Variants in SLC7A8 observed in about 807,000 individuals in gnomAD.
The protein encoded by SLC7A8 is large neutral amino acids transporter small subunit 2.
A neutral mutation model predicts 51.2 loss-of-function variants in SLC7A8; 30 were observed. The observed-to-expected ratio is 0.59, with a 90% CI of 0.44 to 0.80. The LOEUF is 0.80. Among genes scored for constraint, SLC7A8 ranks in the 30% least tolerant of loss-of-function variants. The pLI is 0.00. For missense variants in SLC7A8, 612 were observed against 674.4 expected (o/e 0.91, Z 1.03); for synonymous variants, 257 against 275.8 (o/e 0.93, Z 0.67).
At position 23,137,964 on chromosome 14, in the gene SLC7A8, A is replaced by G. The variant is rs1435415798; in HGVS notation, c.973T>C (p.Ser325Pro). Reference sequence around the variant, plus strand: ...GACCCATTAACTCCTCCAAATGTGGACAGGGCAACAGAAATGGGCATGATC... The same window carrying G: ...GACCCATTAACTCCTCCAAATGTGGGCAGGGCAACAGAAATGGGCATGATC... ...AWIMPISVAL[S>P]TFGGVNGSLF... The change falls in exon 7 of 11, where the codon TCC (serine) becomes CCC (proline). Residue 325 changes from serine (S) to proline (P), a missense_variant. Ser to Pro is a moderately conservative substitution (Grantham distance 74, BLOSUM62 -1). Coordinates refer to ENST00000316902, the MANE Select transcript of SLC7A8 (RefSeq NM_012244.4). The G allele has an allele frequency of 2.5e-6, 4 of 1,613,682 alleles. No homozygotes were observed. In the East Asian group the frequency reaches 8.9e-5, roughly 36 times the overall value.
At position 23,129,719 on chromosome 14, in the gene SLC7A8, G is replaced by A; in HGVS notation, c.1194C>T (p.Phe398=). 1.9e-6 allele frequency: 3 copies of A among 1,614,238 alleles called. No individual in the cohort carries two copies. Among genetic ancestry groups the A allele is most frequent in the South Asian group, 1.1e-5 (1 of 91,084 alleles). ...INYVGFINYL[F]YGVTVAGQIV... ...TCTGTCCAGCAACCGTGACCCCATAGAAGAGGTAGTTGATGAAGCCCACAT... is the reference window on the plus strand; with the variant it reads ...TCTGTCCAGCAACCGTGACCCCATAAAAGAGGTAGTTGATGAAGCCCACAT... Residue 398 remains phenylalanine (F), a synonymous_variant, in exon 9 of 11, where the codon TTC becomes TTT. Coordinates refer to ENST00000316902, the MANE Select transcript of SLC7A8 (RefSeq NM_012244.4).
At chr14:23,179,284 A>G (rs1231626440) in intron 1 of SLC7A8, among the ~76,000 whole-genome samples, 2 of 152,150 alleles carry the variant, frequency 1.3e-5, no homozygotes, top group East Asian at 3.9e-4. Flanking sequence ...GTACATATGC[A>G]TCTCATCCTC....
intron 6 of SLC7A8, 51 bp from the exon 7 acceptor site, chr14:23,138,075 C>A: frequency 6.3e-7 from 1 of 1,598,840 alleles, no homozygotes; most frequent in Non-Finnish European, 8.5e-7. Context: ...CACTCCCCGA[C>A]CCCTCAGCTC....
chr14:23,132,309 A>T lies in SLC7A8; in HGVS notation c.1017-752T>A, dbSNP rs113989519. ...GAGCCACCGCGCCTGGCCTAAAAAC[A>T]CTCTTGTCCTAGTCAGAGAGTAGTT... On this transcript the variant is annotated intron_variant, in intron 7 of 10. Transcript: ENST00000316902. 2.6e-3 allele frequency among the ~76,000 whole-genome samples: 399 copies of T among 151,446 alleles called. 6 individuals carry two copies. Among genetic ancestry groups the T allele is most frequent in the African/African-American group, 9.0e-3 (370 of 41,268 alleles).
At chr14:23,151,806 G>A (rs1313050646) in intron 3 of SLC7A8, among the ~76,000 whole-genome samples, 3 of 148,548 alleles carry the variant, frequency 2.0e-5, no homozygotes, top group Non-Finnish European at 4.4e-5. Context: ...GGTCATACCT[G>A]TAATCCCAGC....
chr14:23,139,982 G>T (rs918690404), intron 5 of SLC7A8, among the ~76,000 whole-genome samples: 1 of 152,154 alleles, frequency 6.6e-6, no homozygotes. Flanking sequence ...ACTCCAGCCT[G>T]GGTGACAGGG....
chr14:23,127,294 C>T lies in SLC7A8; in HGVS notation c.1491G>A (p.Glu497=), dbSNP rs767886245. The part of the protein sequence containing the change: ...SQKMCVVVYP[E]VERGSGTEEA... ...CCTCTGTCCCTGAGCCCCGCTCCAC[C>T]TCGGGGTACACGACCACACACATCT... The change falls in exon 11 of 11, where the codon GAG becomes GAA. Residue 497 remains glutamate, a synonymous_variant. Coordinates refer to ENST00000316902, the MANE Select transcript of SLC7A8 (RefSeq NM_012244.4). 1.2e-6 allele frequency: 2 copies of T among 1,614,110 alleles called. No individual in the cohort carries two copies. Among genetic ancestry groups the T allele is most frequent in the South Asian group, 2.2e-5 (2 of 91,090 alleles).
intron 4 of SLC7A8, among the ~76,000 whole-genome samples, chr14:23,142,646 A>C (rs1007816454): frequency 6.6e-6 from 1 of 152,028 alleles, no homozygotes; most frequent in African/African-American, 2.4e-5. Context: ...GACCACAGCC[A>C]TGCACCACCA....
Position 23,140,585 on chromosome 14 carries a change from T to G in SLC7A8, c.674A>C (p.Asn225Thr). The change falls in exon 5 of 11, where the codon AAT becomes ACT. Residue 225 changes from asparagine (N) to threonine (T), a missense_variant. Transcript: ENST00000316902. The stretch of plus-strand genomic sequence containing the variant: ...GAGGCCGATGTCAGGTTCCTGGAAA[T>G]TCTCAAATGCATTCTTTGGCTCCAG... ...FWLEPKNAFENFQEPDIGLVA... is the reference protein window; with the variant it reads ...FWLEPKNAFETFQEPDIGLVA... 1 of 1,614,032 alleles carries G rather than the reference T, an allele frequency of 6.2e-7. No individual in the cohort carries two copies. The highest frequency in any genetic ancestry group is 8.5e-7 in the Non-Finnish European group (1 of 1,179,962).
At chr14:23,134,437 C>CAAAAA (rs57162273) in intron 7 of SLC7A8, among the ~76,000 whole-genome samples, 818 of 63,978 alleles carry the variant, frequency 0.013, no homozygotes, top group African/African-American at 0.014. Flanking sequence ...ACCCTGTCTC[C>CAAAAA]AAAAAAAAAA....
intron 7 of SLC7A8, among the ~76,000 whole-genome samples, chr14:23,134,296 G>C (rs977216555): frequency 6.6e-5 from 10 of 151,548 alleles, no homozygotes; most frequent in Non-Finnish European, 1.0e-4. Context: ...AATTAGCCAG[G>C]CGTGGTAGAG....
At chr14:23,175,105 T>C (rs1369941261) in intron 1 of SLC7A8, among the ~76,000 whole-genome samples, 1 of 152,174 alleles carries the variant, frequency 6.6e-6, no homozygotes, top group Non-Finnish European at 1.5e-5. Context: ...CCAGCCAAGA[T>C]GCCCCACACC....
intron 1 of SLC7A8, among the ~76,000 whole-genome samples, chr14:23,167,801 A>T (rs1243386291): frequency 6.6e-6 from 1 of 152,076 alleles, no homozygotes; most frequent in East Asian, 1.9e-4. Context: ...GCTGGATTTG[A>T]CTGTGTTCTA....
intron 8 of SLC7A8, among the ~76,000 whole-genome samples, chr14:23,130,995 T>C (rs1014324482): frequency 5.3e-5 from 8 of 152,222 alleles, no homozygotes; most frequent in African/African-American, 1.9e-4. Flanking sequence ...GTATTTGGTG[T>C]ACTGTTAACA....
chr14:23,138,168 C>A, intron 6 of SLC7A8, 144 bp from the exon 7 acceptor site: 1 of 1,000,256 alleles, frequency 1.0e-6, no homozygotes, highest in Non-Finnish European at 1.4e-6. Flanking sequence ...CCCCCACCCT[C>A]TCAAGGGTGG....
At chr14:23,169,951 T>C (rs141768006) in intron 1 of SLC7A8, among the ~76,000 whole-genome samples, 24 of 152,334 alleles carry the variant, frequency 1.6e-4, no homozygotes, top group African/African-American at 4.6e-4. Flanking sequence ...GTCAGTCTTC[T>C]ATGCTGTACT....
In SLC7A8 at chr14:23,125,490, C is replaced by T. The variant is rs1305700214; in HGVS notation, c.*1687G>A. On this transcript the variant is annotated 3_prime_UTR_variant, in exon 11 of 11. Transcript: ENST00000316902. Reference sequence around the variant, plus strand: ...AATATTTATCCAAAAAGTAAGGCATCAACTTTACAAAAAAATAATTGAAGG... The same window carrying T: ...AATATTTATCCAAAAAGTAAGGCATTAACTTTACAAAAAAATAATTGAAGG... 6.6e-6 allele frequency: 1 copy of T among 152,176 alleles called. No individual in the cohort carries two copies. The highest frequency in any genetic ancestry group is 2.1e-4 in the South Asian group (1 of 4,802). The allele number at this position is 152,176 out of a possible 1,614,324, so 9.4% of individuals were successfully genotyped here.
chr14:23,171,208 A>G (rs2048973839), intron 1 of SLC7A8, among the ~76,000 whole-genome samples: 1 of 152,208 alleles, frequency 6.6e-6, no homozygotes. Flanking sequence ...CCCAACTAAT[A>G]AAGTAATCAT....
In SLC7A8 at chr14:23,161,925, T is replaced by TAA. The variant is rs34382575; in HGVS notation, c.508+3358_508+3359dup. ...CTGGGTGACAGAGTGAGACTCCATC[T>TAA]AAAAAAAAAAAAAAAAAAAGCATCT... On this transcript the variant is annotated intron_variant, in intron 3 of 10. Coordinates refer to ENST00000316902, the MANE Select transcript of SLC7A8 (RefSeq NM_012244.4). Among the ~76,000 whole-genome samples, 594 of 103,434 alleles carry TAA rather than the reference T, an allele frequency of 5.7e-3. 6 individuals are homozygous for TAA. Among genetic ancestry groups the TAA allele is most frequent in the Non-Finnish European group, 6.9e-3 (359 of 51,726 alleles). 67.9% of individuals were successfully genotyped at this position (103,434 alleles called of 152,430 possible). A position where few individuals can be genotyped will look rare whatever the true frequency, so the allele number is the denominator to read the frequency against.
Sources: allele counts gnomAD v4.1 joint callset (sites outside exome capture counted in the v4.1 genomes callset), GRCh38; gene constraint gnomAD v4.1.1; transcripts MANE v1.5; gene names NCBI Gene and HGNC (gene_info 2026-07-23, HGNC 2026-07-21).